The following CASK variants were observed in gnomAD, a reference collection of about 807,000 sequenced individuals.
The protein encoded by CASK is calcium/calmodulin dependent serine protein kinase, also known as peripheral plasma membrane protein CASK.
A neutral mutation model predicts 82.9 loss-of-function variants in CASK; 4 were observed. That is an observed-to-expected ratio of 0.05 (90% CI 0.02 to 0.11). CASK has a LOEUF of 0.11. Among genes scored for constraint, CASK ranks in the 10% least tolerant of loss-of-function variants. CASK has a pLI of 1.00. For missense variants in CASK, 358 were observed against 720.9 expected (o/e 0.50, Z 5.76); for synonymous variants, 259 against 253.5 (o/e 1.02, Z -0.20).
At chrX:41,729,417 C>T (rs1410183745) in intron 5 of CASK, 1 of 121,608 alleles carries the variant, frequency 8.2e-6, no homozygotes, top group Non-Finnish European at 1.9e-5. Flanking sequence ...TACTAATTTA[C>T]TGATGAAAAT....
At chrX:41,758,172 C>CA (rs769736232) in intron 3 of CASK, among the ~76,000 whole-genome samples, 22 of 111,443 alleles carry the variant, frequency 2.0e-4, no homozygotes, top group Non-Finnish European at 3.6e-4. Context: ...CAGTGGCTCA[C>CA]ACCTGTAATC....
intron 8 of CASK, among the ~76,000 whole-genome samples, chrX:41,639,161 C>T (rs2066607235): frequency 9.4e-6 from 1 of 106,903 alleles, no homozygotes; most frequent in African/African-American, 3.4e-5. Context: ...GCAACCTCTG[C>T]CTCTCAGGTT....
chrX:41,520,521 T>C lies in CASK; in HGVS notation c.2680A>G (p.Ile894Val), dbSNP rs1318022389. Reference sequence around the variant, plus strand: ...GTCTCATCAATTTCATTGTTGATAATTGTGAGATCGAAGTAGTGTGCATAT... The same window carrying C: ...GTCTCATCAATTTCATTGTTGATAACTGTGAGATCGAAGTAGTGTGCATAT... ...RTYAHYFDLTIINNEIDETIR... is the reference protein window; with the variant it reads ...RTYAHYFDLTVINNEIDETIR... The change falls in exon 27 of 27, where the codon ATT becomes GTT. Residue 894 changes from isoleucine (I) to valine (V), a missense_variant. By Grantham distance (29) the Ile-to-Val change is conservative. Coordinates refer to ENST00000378163, the MANE Select transcript of CASK (RefSeq NM_001367721.1). 5.0e-6 allele frequency: 6 copies of C among 1,205,829 alleles called. No individual in the cohort carries two copies. The highest frequency in any genetic ancestry group is 1.7e-5 in the African/African-American group (1 of 57,572).
intron 3 of CASK, among the ~76,000 whole-genome samples, chrX:41,777,509 G>T (rs2069388664): frequency 9.3e-6 from 1 of 107,407 alleles, no homozygotes; most frequent in African/African-American, 3.4e-5. Flanking sequence ...AAAAAAAATA[G>T]ATTTTAGCAG....
At chrX:41,690,662 A>ATT (rs111335059) in intron 5 of CASK, among the ~76,000 whole-genome samples, 2 of 85,997 alleles carry the variant, frequency 2.3e-5, no homozygotes, top group Non-Finnish European at 4.6e-5. Context: ...CTCCCGGCCA[A>ATT]TTTTTTTTTT....
At chrX:41,837,520 C>T (rs181884008) in intron 2 of CASK, among the ~76,000 whole-genome samples, 4 of 112,151 alleles carry the variant, frequency 3.6e-5, no homozygotes, top group African/African-American at 1.3e-4. Context: ...GTGTCCCACA[C>T]CTGACAATCA....
At chrX:41,726,897 T>C (rs1385016742) in intron 5 of CASK, 5 of 365,682 alleles carry the variant, frequency 1.4e-5, no homozygotes, top group African/African-American at 1.3e-4. Context: ...TGTTACTATT[T>C]TATTTAATTC....
At chrX:41,680,339 G>A (rs2067330398) in intron 5 of CASK, among the ~76,000 whole-genome samples, 1 of 110,167 alleles carries the variant, frequency 9.1e-6, no homozygotes, top group African/African-American at 3.3e-5. Flanking sequence ...AAAATTTGCT[G>A]GGCGTGGTGG....
rs2148116158 is a variant in CASK, at chrX:41,922,974, G to T, written c.15C>A (p.Asp5Glu). 6 of 1,210,567 alleles carry T rather than the reference G, an allele frequency of 5.0e-6. No homozygotes were observed. The highest frequency in any genetic ancestry group is 6.7e-6 in the Non-Finnish European group (6 of 894,602). Residue 5 changes from aspartate (D) to glutamate (E), a missense_variant, in exon 1 of 27, where the codon GAC (aspartate) becomes GAA (glutamate). Asp to Glu is a conservative substitution (Grantham distance 45, BLOSUM62 2). Coordinates refer to ENST00000378163, the MANE Select transcript of CASK (RefSeq NM_001367721.1). ...GCTCGTACACATCCTCGAACAGCAC[G>T]TCGTCGTCGGCCATGGTCCGGAGGG... MADD[D>E]VLFEDVYELC...
chrX:41,574,560 T>G (rs945816264), intron 15 of CASK, among the ~76,000 whole-genome samples: 1 of 111,821 alleles, frequency 8.9e-6, no homozygotes, highest in African/African-American at 3.3e-5. Context: ...GTTTTCTGAT[T>G]ATCCACTATT....
At chrX:41,875,705 A>T (rs1382993124) in intron 1 of CASK, among the ~76,000 whole-genome samples, 2 of 111,572 alleles carry the variant, frequency 1.8e-5, no homozygotes, top group African/African-American at 6.5e-5. Flanking sequence ...AAGAAAAAAA[A>T]AATGTACTTC....
At chrX:41,850,789 T>G (rs1306121812) in intron 2 of CASK, among the ~76,000 whole-genome samples, 1 of 111,385 alleles carries the variant, frequency 9.0e-6, no homozygotes, top group East Asian at 2.8e-4. Flanking sequence ...GGAAAAGGGT[T>G]GAAAGAAGTT....
At chrX:41,580,708 T>A (rs1378584479) in intron 14 of CASK, among the ~76,000 whole-genome samples, 2 of 111,721 alleles carry the variant, frequency 1.8e-5, no homozygotes, top group East Asian at 5.6e-4. Context: ...AGGGGGCCAC[T>A]TACAGACTAT....
Position 41,571,905 on chromosome X carries a change from A to G in CASK, c.1504-2159T>C, listed in dbSNP as rs779672148. 1.8e-3 allele frequency among the ~76,000 whole-genome samples: 199 copies of G among 111,035 alleles called. 1 individual carries two copies. The highest frequency in any genetic ancestry group is 6.3e-3 in the African/African-American group (191 of 30,551). On this transcript the variant is annotated intron_variant, in intron 15 of 26. Coordinates refer to ENST00000378163, the MANE Select transcript of CASK (RefSeq NM_001367721.1). ...AATTTCCCTTTTGATTTCCTCTTTA[A>G]TTCATGGGTTACTTAGAATTGTGTT...
chrX:41,745,135 A>G (rs1200419515), intron 4 of CASK, among the ~76,000 whole-genome samples: 1 of 111,826 alleles, frequency 8.9e-6, no homozygotes, highest in Non-Finnish European at 1.9e-5. Flanking sequence ...CTCCTGCGTC[A>G]GCCTTCCGAG....
chrX:41,700,972 G>A lies in CASK; in HGVS notation c.430-29442C>T, dbSNP rs752164016. Among the ~76,000 whole-genome samples, 429 of 85,665 alleles carry A rather than the reference G, an allele frequency of 5.0e-3. 2 individuals are homozygous for A. The highest frequency in any genetic ancestry group is 0.017 in the African/African-American group (380 of 22,649). 74.4% of individuals were successfully genotyped at this position (85,665 alleles called of 115,157 possible). On this transcript the variant is annotated intron_variant, in intron 5 of 26. Coordinates refer to ENST00000378163, the MANE Select transcript of CASK (RefSeq NM_001367721.1). ...AAAAAAAAAGGTTCCTGTTAGTCAAGATGTGCTGGAATCTTGCAAAGGTGG... is the reference window on the plus strand; with the variant it reads ...AAAAAAAAAGGTTCCTGTTAGTCAAAATGTGCTGGAATCTTGCAAAGGTGG...
At chrX:41,810,860 T>C (rs1185436838) in intron 2 of CASK, among the ~76,000 whole-genome samples, 1 of 111,393 alleles carries the variant, frequency 9.0e-6, no homozygotes, top group Non-Finnish European at 1.9e-5. Flanking sequence ...GAGACACACA[T>C]AGGCTCAAAA....
At chrX:41,791,965 T>C (rs747162202) in intron 2 of CASK, among the ~76,000 whole-genome samples, 4 of 111,648 alleles carry the variant, frequency 3.6e-5, no homozygotes, top group African/African-American at 1.3e-4. Flanking sequence ...CAGGTAGCAA[T>C]ATTTAATTTT....
chrX:41,884,943 C>T (rs2072021143), intron 1 of CASK, among the ~76,000 whole-genome samples: 1 of 112,037 alleles, frequency 8.9e-6, no homozygotes, highest in Non-Finnish European at 1.9e-5. Flanking sequence ...TTACTTAAGC[C>T]ACTATTATTT....
Sources: gnomAD v4.1 joint callset for allele counts (sites outside exome capture counted in the v4.1 genomes callset) on GRCh38, gnomAD v4.1.1 for gene constraint, MANE v1.5 for transcripts, NCBI Gene and HGNC (gene_info 2026-07-23, HGNC 2026-07-21) for gene names.